Variants in LYSMD1 observed in about 807,000 individuals in gnomAD.
The protein encoded by LYSMD1 is LysM domain containing 1.
A neutral mutation model predicts 19.3 loss-of-function variants in LYSMD1; 9 were observed. The observed-to-expected ratio is 0.47, with a 90% CI of 0.28 to 0.81. LYSMD1 has a LOEUF of 0.81. Among genes scored for constraint, LYSMD1 ranks in the 40% least tolerant of loss-of-function variants. The pLI is 0.11. For missense variants in LYSMD1, 262 were observed against 279.8 expected (o/e 0.94, Z 0.45); for synonymous variants, 111 against 111.7 (o/e 0.99, Z 0.04).
At position 151,162,055 on chromosome 1, in the gene LYSMD1, T is replaced by TG. The variant is rs1299394456; in HGVS notation, c.225dup (p.Ile76HisfsTer25). 6.2e-7 allele frequency: 1 copy of TG among 1,611,896 alleles called. No individual in the cohort carries two copies. Among genetic ancestry groups the TG allele is most frequent in the Non-Finnish European group, 8.5e-7 (1 of 1,179,520 alleles). Reference sequence around the variant, plus strand: ...ATGTAGAGGGTTTTCTTCAGGAAGATGGAGTCATTAGTATAAAGGCGGTTT... The same window carrying TG: ...ATGTAGAGGGTTTTCTTCAGGAAGATGGGAGTCATTAGTATAAAGGCGGTTT... On this transcript the variant is annotated frameshift_variant, in exon 2 of 3. Transcript: ENST00000368908. LOFTEE classifies it high-confidence loss of function.
At position 151,160,824 on chromosome 1, in the gene LYSMD1, CTCTCCCCCTGAAGTT is replaced by C. The variant is rs1683417013; in HGVS notation, c.*43_*57del. On this transcript the variant is annotated 3_prime_UTR_variant, in exon 3 of 3. Transcript: ENST00000368908. Reference sequence around the variant, plus strand: ...TGTTCTTGAGCCTCACCTCAGGCTCCTCTCCCCCTGAAGTTTCTCTTTCAACATCTTGCTTCTCTC... The same window carrying C: ...TGTTCTTGAGCCTCACCTCAGGCTCCTCTCTTTCAACATCTTGCTTCTCTC... The C allele has an allele frequency of 6.3e-7, 1 of 1,577,590 alleles. No homozygotes were observed. The highest frequency in any genetic ancestry group is 1.3e-5 in the African/African-American group (1 of 74,398).
At chr1:151,163,982 C>G (rs1051101394) in intron 1 of LYSMD1, among the ~76,000 whole-genome samples, 6 of 152,068 alleles carry the variant, frequency 3.9e-5, no homozygotes, top group Admixed American at 2.0e-4. Context: ...CAACCTCCCC[C>G]TCCTGGGTTC....
chr1:151,163,416 G>C (rs587669762), intron 1 of LYSMD1, among the ~76,000 whole-genome samples: 1 of 151,714 alleles, frequency 6.6e-6, no homozygotes, highest in African/African-American at 2.4e-5. Flanking sequence ...CACATAGCAG[G>C]GGCTCATTAA....
rs1683643094 is a variant in LYSMD1, at chr1:151,165,393, C to A, written c.-135G>T. 2.8e-6 allele frequency: 4 copies of A among 1,454,242 alleles called. No homozygotes were observed. The highest frequency in any genetic ancestry group is 9.0e-7 in the Non-Finnish European group (1 of 1,106,624). The allele number at this position is 1,454,242 out of a possible 1,614,324, so 90.1% of individuals were successfully genotyped here. On this transcript the variant is annotated 5_prime_UTR_variant, in exon 1 of 3. Coordinates refer to ENST00000368908, the MANE Select transcript of LYSMD1 (RefSeq NM_212551.5). ...CTCTCTTCCCCTGTGTCCCCGCCTC[C>A]CCAGCACTACGCCATCTGCCCCCTC...
intron 1 of LYSMD1, 109 bp downstream of exon 1, chr1:151,164,970 C>T: frequency 1.1e-6 from 1 of 903,046 alleles, no homozygotes. Context: ...GAACAGAGTG[C>T]AACACATTAG....
intron 1 of LYSMD1, among the ~76,000 whole-genome samples, chr1:151,162,363 G>A (rs113793264): frequency 6.6e-6 from 1 of 152,248 alleles, no homozygotes; most frequent in African/African-American, 2.4e-5. Context: ...AGGCTGAGGA[G>A]GGAGGATAGC....
downstream of LYSMD1, chr1:151,159,665 T>A (rs1683362587): frequency 4.9e-6 from 1 of 203,704 alleles, no homozygotes; most frequent in African/African-American, 2.3e-5. Flanking sequence ...CTTGGACAGA[T>A]GCCAGAGGCT....
At chr1:151,157,775 A>G (rs181291034), downstream of LYSMD1, among the ~76,000 whole-genome samples, 1 of 152,338 alleles carries the variant, frequency 6.6e-6, no homozygotes, top group East Asian at 1.9e-4. Flanking sequence ...GACGTAAAGC[A>G]CTTGCATATA....
chr1:151,156,880 C>A (rs933372858), downstream of LYSMD1, among the ~76,000 whole-genome samples: 1 of 152,150 alleles, frequency 6.6e-6, no homozygotes, highest in African/African-American at 2.4e-5. Flanking sequence ...GGTGGCAAGG[C>A]AGCCTCTGAA....
In LYSMD1 at chr1:151,160,873, C is replaced by G; in HGVS notation, c.*9G>C. 1 of 1,613,164 alleles carries G rather than the reference C, an allele frequency of 6.2e-7. No individual in the cohort carries two copies. The highest frequency in any genetic ancestry group is 2.2e-5 in the East Asian group (1 of 44,836). On this transcript the variant is annotated 3_prime_UTR_variant, in exon 3 of 3. Transcript: ENST00000368908. ...AACATCTTGCTTCTCTCAGTCAGTTCTGGGGACATCAGAGTTTGAAGATTT... is the reference window on the plus strand; with the variant it reads ...AACATCTTGCTTCTCTCAGTCAGTTGTGGGGACATCAGAGTTTGAAGATTT...
intron 2 of LYSMD1, 21 bp downstream of exon 2, chr1:151,161,715 A>G: frequency 3.1e-6 from 5 of 1,595,986 alleles, no homozygotes; most frequent in Non-Finnish European, 4.3e-6. Context: ...AGGAACTTAT[A>G]AGGAACCATT....
intron 1 of LYSMD1, among the ~76,000 whole-genome samples, chr1:151,164,806 G>A (rs587706723): frequency 6.6e-6 from 1 of 152,308 alleles, no homozygotes; most frequent in East Asian, 1.9e-4. Flanking sequence ...AACGATAAAT[G>A]TATACTTGAT....
At chr1:151,159,179 G>A, downstream of LYSMD1, 7 of 1,614,172 alleles carry the variant, frequency 4.3e-6, no homozygotes, top group Non-Finnish European at 5.9e-6. Flanking sequence ...GCCCTCTATG[G>A]GCCTGACTTC....
Position 151,159,875 on chromosome 1 carries a change from C to A in LYSMD1, c.*1007G>T, listed in dbSNP as rs1683368439. On this transcript the variant is annotated 3_prime_UTR_variant, in exon 3 of 3. Coordinates refer to ENST00000368908, the MANE Select transcript of LYSMD1 (RefSeq NM_212551.5). ...CCAAACAGGAGACTGAGGCAGATTT[C>A]CATTATTACTGAGGTTCCCTTACCT... 1 of 166,984 alleles carries A rather than the reference C, an allele frequency of 6.0e-6. No homozygotes were observed. The highest frequency in any genetic ancestry group is 6.5e-5 in the Admixed American group (1 of 15,290). 10.3% of individuals were successfully genotyped at this position (166,984 alleles called of 1,614,324 possible). A position where few individuals can be genotyped will look rare whatever the true frequency, so the allele number is the denominator to read the frequency against.
At position 151,160,595 on chromosome 1, in the gene LYSMD1, A is replaced by C; in HGVS notation, c.*287T>G. ...CCCTGTTCTAAGGCCAGGGAAAGGT[A>C]AAAAGGATAGGAAAGGCAACAAGGA... On this transcript the variant is annotated 3_prime_UTR_variant, in exon 3 of 3. Transcript: ENST00000368908. The C allele has an allele frequency of 8.8e-6, 2 of 228,194 alleles. No individual in the cohort carries two copies. The highest frequency in any genetic ancestry group is 4.5e-5 in the African/African-American group (2 of 44,534). 14.1% of individuals were successfully genotyped at this position (228,194 alleles called of 1,614,324 possible).
chr1:151,154,642 T>G, the LYSMD1 span, among the ~76,000 whole-genome samples: 1 of 152,084 alleles, frequency 6.6e-6, no homozygotes, highest in Non-Finnish European at 1.5e-5. Context: ...TTTATTCTTT[T>G]TCTTTTTTCT....
downstream of LYSMD1, chr1:151,159,246 G>A (rs758951309): frequency 1.2e-6 from 2 of 1,611,114 alleles, no homozygotes; most frequent in African/African-American, 2.7e-5. Context: ...ACGAAGGGAA[G>A]CTCTGAGAGC....
chr1:151,152,021 G>T, the LYSMD1 span, among the ~76,000 whole-genome samples: 1 of 150,878 alleles, frequency 6.6e-6, no homozygotes, highest in East Asian at 1.9e-4. Flanking sequence ...AGTAGAGGAA[G>T]AAATAAATGC....
chr1:151,158,466 C>A (rs1683305546), downstream of LYSMD1, among the ~76,000 whole-genome samples: 1 of 152,042 alleles, frequency 6.6e-6, no homozygotes, highest in African/African-American at 2.4e-5. Flanking sequence ...ATCGCCACTC[C>A]CGTGGGCTGT....
Sources: allele counts gnomAD v4.1 joint callset (sites outside exome capture counted in the v4.1 genomes callset), GRCh38; gene constraint gnomAD v4.1.1; transcripts MANE v1.5; gene names NCBI Gene and HGNC (gene_info 2026-07-23, HGNC 2026-07-21).